Variants in TMEM178B observed in about 807,000 individuals in gnomAD.
TMEM178B encodes transmembrane protein 178B.
A neutral mutation model predicts 31.0 loss-of-function variants in TMEM178B; 5 were observed. The ratio of observed to expected loss-of-function variants is 0.16; its 90% CI spans 0.08 to 0.34. TMEM178B has a LOEUF of 0.34. Ranked by LOEUF, TMEM178B falls within the 10% of genes least tolerant of loss-of-function variation. The pLI is 1.00. For synonymous variants in TMEM178B, 164 were observed against 164.0 expected, an observed-to-expected ratio of 1.00 and a Z score of 0.00; for missense variants, 275 against 400.3, an observed-to-expected ratio of 0.69 and a Z score of 2.67.
Position 141,318,130 on chromosome 7 carries a change from A to G in TMEM178B, c.496+105426A>G, listed in dbSNP as rs1351205383. On this transcript the variant is annotated intron_variant, in intron 2 of 3. Transcript: ENST00000565468. The surrounding 1 kb of genome is among the most constrained non-coding windows in gnomAD (Gnocchi z 4.1). The stretch of plus-strand genomic sequence containing the variant: ...CAGTATAATCACAGCCTGGGGTATT[A>G]TTGGATGACCATCCATCCATCCTTC... 6.6e-6 allele frequency among the ~76,000 whole-genome samples: 1 copy of G among 152,188 alleles called. No homozygotes were observed. The highest frequency in any genetic ancestry group is 1.5e-5 in the Non-Finnish European group (1 of 68,038).
At chr7:141,249,335 T>C (rs1797791766) in intron 2 of TMEM178B, among the ~76,000 whole-genome samples, 1 of 152,208 alleles carries the variant, frequency 6.6e-6, no homozygotes, top group Non-Finnish European at 1.5e-5. Flanking sequence ...CCTTCTGCCG[T>C]GATTGGGAGG....
intron 2 of TMEM178B, among the ~76,000 whole-genome samples, chr7:141,223,608 T>C (rs1001851871): frequency 2.0e-5 from 3 of 152,032 alleles, no homozygotes; most frequent in Admixed American, 6.5e-5. Flanking sequence ...GAATTCAGCC[T>C]TCCACGTGCT....
At chr7:141,391,899 C>T (rs957546565) in intron 2 of TMEM178B, among the ~76,000 whole-genome samples, 3 of 152,154 alleles carry the variant, frequency 2.0e-5, no homozygotes, top group Admixed American at 1.3e-4. Flanking sequence ...ATTATATGTG[C>T]GTGCCCCATT....
intron 1 of TMEM178B, among the ~76,000 whole-genome samples, chr7:141,189,997 C>T (rs1421519577): frequency 6.6e-6 from 1 of 152,162 alleles, no homozygotes; most frequent in Non-Finnish European, 1.5e-5. Context: ...ATTTTAACTT[C>T]ACCTTGTTTT....
chr7:141,502,785 TAAAA>T, the TMEM178B span, among the ~76,000 whole-genome samples: 526 of 139,334 alleles, frequency 3.8e-3, 2 homozygotes, highest in African/African-American at 0.013. Context: ...AAAAAAAAGA[TAAAA>T]AGATAAAAAG....
intron 1 of TMEM178B, among the ~76,000 whole-genome samples, chr7:141,095,673 C>T (rs1341147254): frequency 5.9e-5 from 9 of 152,116 alleles, no homozygotes; most frequent in Admixed American, 5.9e-4. Flanking sequence ...TTATTTTCAC[C>T]AATCAAACCC....
At chr7:141,405,780 G>A (rs1042109516) in intron 2 of TMEM178B, among the ~76,000 whole-genome samples, 1 of 152,172 alleles carries the variant, frequency 6.6e-6, no homozygotes, top group African/African-American at 2.4e-5. Flanking sequence ...TGTCAGTGGG[G>A]CTCCCCCTTG....
intron 1 of TMEM178B, among the ~76,000 whole-genome samples, chr7:141,209,256 A>G (rs912816966): frequency 1.3e-5 from 2 of 152,204 alleles, no homozygotes; most frequent in African/African-American, 4.8e-5. Flanking sequence ...CCCCGGGGCT[A>G]CATTTACCAA....
Position 141,423,071 on chromosome 7 carries a change from G to C in TMEM178B, c.497-14537G>C, listed in dbSNP as rs376172779. On this transcript the variant is annotated intron_variant, in intron 2 of 3. Transcript: ENST00000565468. Reference sequence around the variant, plus strand: ...TTTATTTATTTTGCAATGGAGTCTTGCTCTGTCACCCAGGCTGGAGTGCAG... The same window carrying C: ...TTTATTTATTTTGCAATGGAGTCTTCCTCTGTCACCCAGGCTGGAGTGCAG... Among the ~76,000 whole-genome samples, 7 of 152,164 alleles carry C rather than the reference G, an allele frequency of 4.6e-5. No homozygotes were observed. In the East Asian group the frequency reaches 7.7e-4, roughly 17 times the overall value.
intron 2 of TMEM178B, among the ~76,000 whole-genome samples, chr7:141,219,779 A>G (rs1797225175): frequency 6.6e-6 from 1 of 152,150 alleles, no homozygotes; most frequent in Non-Finnish European, 1.5e-5. Context: ...GTTCTTGCAG[A>G]AGTAACTCAT....
chr7:141,197,555 CA>C (rs1332600833), intron 1 of TMEM178B, among the ~76,000 whole-genome samples: 1 of 152,188 alleles, frequency 6.6e-6, no homozygotes, highest in Admixed American at 6.5e-5. Flanking sequence ...TGTGAGTAGA[CA>C]GAGGTATAAA....
chr7:141,419,467 C>G (rs566124179), intron 2 of TMEM178B, among the ~76,000 whole-genome samples: 1 of 152,314 alleles, frequency 6.6e-6, no homozygotes, highest in Non-Finnish European at 1.5e-5. Flanking sequence ...CCTCTCAACC[C>G]TGTTCTCTGC....
At chr7:141,436,161 G>A (rs1801535011) in intron 2 of TMEM178B, among the ~76,000 whole-genome samples, 1 of 152,166 alleles carries the variant, frequency 6.6e-6, no homozygotes, top group African/African-American at 2.4e-5. Flanking sequence ...TTCCCCATGG[G>A]GTGGCTGGAG....
chr7:141,369,100 C>T (rs866189787), intron 2 of TMEM178B, among the ~76,000 whole-genome samples: 1 of 151,942 alleles, frequency 6.6e-6, no homozygotes, highest in South Asian at 2.1e-4. Flanking sequence ...AAGTAAACAT[C>T]CCTTCAGCCT....
chr7:141,409,993 T>TCAGCAGCC (rs1800952261), intron 2 of TMEM178B, among the ~76,000 whole-genome samples: 1 of 152,202 alleles, frequency 6.6e-6, no homozygotes, highest in Non-Finnish European at 1.5e-5. Flanking sequence ...TTGTCTTTGC[T>TCAGCAGCC]TAGCCCTGGG....
intron 2 of TMEM178B, among the ~76,000 whole-genome samples, chr7:141,384,915 T>A (rs1800402775): frequency 1.3e-5 from 2 of 152,178 alleles, no homozygotes; most frequent in South Asian, 4.1e-4. Flanking sequence ...TTCTATATAG[T>A]GTGGAAATCC....
At chr7:141,444,163 T>C (rs1370124803) in intron 3 of TMEM178B, among the ~76,000 whole-genome samples, 1 of 152,166 alleles carries the variant, frequency 6.6e-6, no homozygotes, top group Non-Finnish European at 1.5e-5. Flanking sequence ...ATATGGGTGA[T>C]TGGGTGCTAG....
At chr7:141,357,003 G>T (rs549920665) in intron 2 of TMEM178B, among the ~76,000 whole-genome samples, 1 of 152,242 alleles carries the variant, frequency 6.6e-6, no homozygotes, top group South Asian at 2.1e-4. Flanking sequence ...ATTGTAATTT[G>T]TTTTAATTGT....
rs555869999 is a variant in TMEM178B at position 141,441,942 on chromosome 7, G to A, written c.634+4197G>A. Among the ~76,000 whole-genome samples the A allele has an allele frequency of 3.3e-5, 5 of 152,152 alleles. No individual in the cohort carries two copies. The South Asian group carries it at 6.2e-4, about 19-fold the overall frequency. On this transcript the variant is annotated intron_variant, in intron 3 of 3. Coordinates refer to ENST00000565468, the MANE Select transcript of TMEM178B (RefSeq NM_001195278.2). ...GGCAGCTTTGCTCAACCAGGAGGCC[G>A]GGGGTGGCAAGTGGGATCCAGTTTT... is the stretch of plus-strand genomic sequence containing the variant.
Sources: gnomAD v4.1 joint callset for allele counts (sites outside exome capture counted in the v4.1 genomes callset) on GRCh38, gnomAD v4.1.1 for gene constraint, Gnocchi (gnomAD v3.1) non-coding constraint, MANE v1.5 for transcripts, NCBI Gene and HGNC (gene_info 2026-07-23, HGNC 2026-07-21) for gene names.